The following MUC4 variants were observed in gnomAD, a reference collection of about 807,000 sequenced individuals.
The protein encoded by MUC4 is mucin-4.
A neutral mutation model predicts 257.9 loss-of-function variants in MUC4; 202 were observed. The observed-to-expected ratio is 0.78, with a 90% confidence interval of 0.70 to 0.88. The LOEUF is 0.88. MUC4 is among the 40% of genes least tolerant of loss of function. The pLI is 0.00. For synonymous variants in MUC4, 2,351 were observed against 2,757.1 expected (o/e 0.85, Z 4.62); for missense variants, 5,976 against 6,513.7 (o/e 0.92, Z 2.84).
At chr3:195,802,407 G>GCTCTCAGCCTCCACCA (rs1332117844) in intron 1 of MUC4, among the ~76,000 whole-genome samples, 5 of 29,342 alleles carry the variant, frequency 1.7e-4, no homozygotes, top group African/African-American at 3.6e-4. Flanking sequence ...AGCCTCCACC[G>GCTCTCAGCCTCCACCA]CACCCCTGTG....
chr3:195,776,113 A>G (rs1398927985), intron 3 of MUC4, among the ~76,000 whole-genome samples: 1 of 23,688 alleles, frequency 4.2e-5, no homozygotes, highest in African/African-American at 2.1e-4. Context: ...TACCTTCCAC[A>G]CCCTTACCTT....
rs767682458 is a variant in MUC4 at position 195,753,219 on chromosome 3, A to G, written c.15340T>C (p.Ser5114Pro). 7 of 1,613,738 alleles carry G rather than the reference A, an allele frequency of 4.3e-6. No individual in the cohort carries two copies. The highest frequency in any genetic ancestry group is 1.1e-5 in the South Asian group (1 of 91,030). ...CAGGACTGGTTCTGACACAGGAAAG[A>G]GCTCCCCAGAGCTGCAGAGTGAGTA... ...DGRHCAALGS[S>P]FLCQNQSCPV... The change falls in exon 20 of 25, where the codon TCT (serine) becomes CCT (proline). Residue 5114 changes from serine to proline, a missense_variant. Physicochemically the swap from Ser to Pro is moderately conservative, Grantham distance 74. Coordinates refer to ENST00000463781, the MANE Select transcript of MUC4 (RefSeq NM_018406.7).
intron 8 of MUC4, 120 bp from the exon 9 acceptor site, chr3:195,765,569 G>T: frequency 2.0e-6 from 2 of 1,017,890 alleles, no homozygotes; most frequent in Non-Finnish European, 2.8e-6. Context: ...TCACCTCTTT[G>T]GACCCAAGTC....
At position 195,789,997 on chromosome 3, in the gene MUC4, G is replaced by C. The variant is rs936543448; in HGVS notation, c.1583C>G (p.Thr528Ser). ...GACCTTAGAGGGGACCCTTGGAATA[G>C]TGCCAGCTGTCCCTGTAGATGGATT... is the stretch of plus-strand genomic sequence containing the variant. ...TGNPSTGTAG[T>S]IPRVPSKVSA... Residue 528 changes from threonine to serine, a missense_variant, in exon 2 of 25, where the codon ACT becomes AGT. By Grantham distance (58) the Thr-to-Ser change is moderately conservative. This residue lies in a region of MUC4 where 1,583 missense variants were observed against 1,257.4 expected (regional missense o/e 1.26). Coordinates refer to ENST00000463781, the MANE Select transcript of MUC4 (RefSeq NM_018406.7). 1.2e-5 allele frequency: 20 copies of C among 1,613,868 alleles called. No homozygotes were observed. The highest frequency in any genetic ancestry group is 1.6e-4 in the Middle Eastern group (1 of 6,084).
chr3:195,761,016 C>T lies in MUC4; in HGVS notation c.14716G>A (p.Ala4906Thr). 1 of 1,614,178 alleles carries T rather than the reference C, an allele frequency of 6.2e-7. No individual in the cohort carries two copies. Among genetic ancestry groups the T allele is most frequent in the Middle Eastern group, 1.6e-4 (1 of 6,062 alleles). Reference sequence around the variant, plus strand: ...TCACAGTTGGAGATCAAATGTTCAGCCCAGGAGCTGTTTTTTTGCAGTTGT... The same window carrying T: ...TCACAGTTGGAGATCAAATGTTCAGTCCAGGAGCTGTTTTTTTGCAGTTGT... ...YSQLQKNSSW[A>T]EHLISNCDGD... is the part of the protein sequence containing the mutation. The change falls in exon 16 of 25, where the codon GCT becomes ACT. Residue 4906 changes from alanine to threonine, a missense_variant. By Grantham distance (58) the Ala-to-Thr change is moderately conservative (BLOSUM62 0). Around this residue, in one of 44 missense-constraint regions of MUC4, gnomAD observed 996 missense variants for 1,137.3 expected, o/e 0.88. Transcript: ENST00000463781.
At position 195,763,554 on chromosome 3, in the gene MUC4, GC is replaced by G; in HGVS notation, c.14131del (p.Ala4711ProfsTer61). 6.3e-7 allele frequency: 1 copy of G among 1,590,254 alleles called. No homozygotes were observed. Among genetic ancestry groups the G allele is most frequent in the Non-Finnish European group, 8.6e-7 (1 of 1,167,514 alleles). On this transcript the variant is annotated frameshift_variant, in exon 12 of 25. Transcript: ENST00000463781. LOFTEE classifies it high-confidence loss of function. ...CAGGAAGGAGGAGTTCCCGTCTTGG[GC>G]CCCGACCAGCAGGAAGTCCCCCAGC... ...NGLGDFLLVG[A>X]QDGNSSFLLQ...
intron 13 of MUC4, among the ~76,000 whole-genome samples, chr3:195,762,560 G>A (rs543093192): frequency 0.014 from 2,055 of 147,772 alleles, 29 homozygotes; most frequent in Non-Finnish European, 0.023. Flanking sequence ...ACCCGGCCCT[G>A]CACCGCAACG....
intron 16 of MUC4, among the ~76,000 whole-genome samples, chr3:195,760,150 T>C (rs1197250463): frequency 6.6e-6 from 1 of 152,102 alleles, no homozygotes; most frequent in Non-Finnish European, 1.5e-5. Context: ...GAATGAATAA[T>C]TAAAAAGATA....
chr3:195,802,208 G>T (rs1157548908), intron 1 of MUC4, among the ~76,000 whole-genome samples: 1 of 152,176 alleles, frequency 6.6e-6, no homozygotes, highest in African/African-American at 2.4e-5. Context: ...AGCCCAGAAA[G>T]CTGTGGGTCC....
At chr3:195,760,817 C>G in intron 16 of MUC4, 67 bp downstream of exon 16, 1 of 1,313,064 alleles carries the variant, frequency 7.6e-7, no homozygotes, top group Non-Finnish European at 1.1e-6. Flanking sequence ...AAAGCAGGGT[C>G]AGGCAAGGGC....
chr3:195,762,142 G>C lies in MUC4; in HGVS notation c.14457C>G (p.Leu4819=). Residue 4819 remains leucine, a synonymous_variant, in exon 14 of 25, where the codon CTC becomes CTG. Coordinates refer to ENST00000463781, the MANE Select transcript of MUC4 (RefSeq NM_018406.7). ...TVSVIALSNI[L]HASASLPPEY... ...CGGGCGGGAGGCTGGCGGAGGCGTGGAGGATGTTGGAGAGCGCGATCACCG... is the reference window on the plus strand; with the variant it reads ...CGGGCGGGAGGCTGGCGGAGGCGTGCAGGATGTTGGAGAGCGCGATCACCG... 1.2e-6 allele frequency: 2 copies of C among 1,607,376 alleles called. No individual in the cohort carries two copies. The highest frequency in any genetic ancestry group is 1.1e-5 in the South Asian group (1 of 90,030).
At chr3:195,777,839 T>TTACCTTCCACAC (rs1725280648) in intron 3 of MUC4, among the ~76,000 whole-genome samples, 1 of 1,920 alleles carries the variant, frequency 5.2e-4, no homozygotes, top group Non-Finnish European at 9.1e-4. Context: ...ACCTTCCACA[T>TTACCTTCCACAC]CCATACCTTC....
intron 20 of MUC4, 62 bp from the exon 21 acceptor site, chr3:195,752,508 T>C (rs559829887): frequency 2.0e-6 from 3 of 1,477,872 alleles, no homozygotes; most frequent in South Asian, 2.3e-5. Context: ...ACCCAAAAAG[T>C]CTGTCGGGCC....
At position 195,788,274 on chromosome 3, in the gene MUC4, G is replaced by A. The variant is rs1733111074; in HGVS notation, c.3306C>T (p.Ala1102=). The change falls in exon 2 of 25, where the codon GCC becomes GCT. Residue 1102 remains alanine (A), a synonymous_variant. Transcript: ENST00000463781. The stretch of plus-strand genomic sequence containing the variant: ...AAGTGTCGGTGACAGGAAGAGAGGT[G>A]GCGTGACCTGTGGATGCTGAGGAAG... The part of the protein sequence containing the change: ...TDTSSASTGH[A]TSLPVTDTSS... 1 of 1,547,664 alleles carries A rather than the reference G, an allele frequency of 6.5e-7. No homozygotes were observed. Among genetic ancestry groups the A allele is most frequent in the African/African-American group, 1.4e-5 (1 of 72,500 alleles).
rs375097834 is a variant in MUC4 at position 195,774,246 on chromosome 3, C to A, written c.13003G>T (p.Val4335Leu). ...TTGAAGAGTGGGGAGGTGAAGTCCA[C>A]GGTCCTCCTGACGAACTCCAGGTCC... ...AGDLEFVRRT[V>L]DFTSPLFKPA... The change falls in exon 4 of 25, where the codon GTG (valine) becomes TTG (leucine). Residue 4335 changes from valine (V) to leucine (L), a missense_variant. Around this residue, in one of 44 missense-constraint regions of MUC4, gnomAD observed 233 missense variants for 171.2 expected, o/e 1.36. Transcript: ENST00000463781. 1.9e-6 allele frequency: 3 copies of A among 1,601,722 alleles called. No individual in the cohort carries two copies. The East Asian group carries it at 6.8e-5, about 37-fold the overall frequency.
chr3:195,777,300 C>T (rs1578168769), intron 3 of MUC4, among the ~76,000 whole-genome samples: 1 of 1,466 alleles, frequency 6.8e-4, no homozygotes, highest in African/African-American at 2.4e-3. Flanking sequence ...CCTTCCACAC[C>T]CATACCTTCC....
Position 195,786,891 on chromosome 3 carries a change from T to C in MUC4, c.4689A>G (p.Thr1563=), listed in dbSNP as rs1214286097. 1 of 1,521,666 alleles carries C rather than the reference T, an allele frequency of 6.6e-7. No homozygotes were observed. Among genetic ancestry groups the C allele is most frequent in the Non-Finnish European group, 8.9e-7 (1 of 1,129,618 alleles). The allele number at this position is 1,521,666 out of a possible 1,614,324, so 94.3% of individuals were successfully genotyped here. The change falls in exon 2 of 25, where the codon ACA becomes ACG. Residue 1563 remains threonine, a synonymous_variant. Transcript: ENST00000463781. The part of the protein sequence containing the change: ...LPVTDASSVS[T]GHTTPLPVTS... ...TGACAGGAAGAGGGGTGGTGTGACC[T>C]GTGGATACTGAGGAAGCGTCGGTGA...
chr3:195,801,956 C>T (rs932501814), intron 1 of MUC4, among the ~76,000 whole-genome samples: 5 of 152,226 alleles, frequency 3.3e-5, no homozygotes, highest in African/African-American at 9.6e-5. Context: ...CCCCGCTCCA[C>T]GCCCAGATGA....
At chr3:195,775,515 C>T (rs1244388793) in intron 3 of MUC4, among the ~76,000 whole-genome samples, 10 of 85,802 alleles carry the variant, frequency 1.2e-4, no homozygotes, top group Admixed American at 4.1e-4. Context: ...CCTTCCACAC[C>T]CATACCTTCC....
Sources: allele counts gnomAD v4.1 joint callset (sites outside exome capture counted in the v4.1 genomes callset), GRCh38; gene constraint gnomAD v4.1.1; regional missense constraint gnomAD v4.1.1; transcripts MANE v1.5; gene names NCBI Gene and HGNC (gene_info 2026-07-23, HGNC 2026-07-21).